Variants in AGMO observed in about 807,000 individuals in gnomAD.
AGMO encodes glyceryl-ether monooxygenase.
In AGMO, 75 loss-of-function variants were observed where a neutral mutation model predicts 60.2. The ratio of observed to expected loss-of-function variants is 1.25; its 90% confidence interval spans 1.03 to 1.51. The LOEUF (loss-of-function observed/expected upper bound fraction) is 1.51. AGMO is among the 40% of genes most tolerant of loss of function. The pLI, the probability that AGMO is intolerant of heterozygous loss-of-function variation, is 0.00. For missense variants in AGMO, 763 were observed against 525.5 expected (o/e 1.45, Z -4.42); for synonymous variants, 261 against 177.1 (o/e 1.47, Z -3.76).
At chr7:15,536,802 T>C (rs932875042) in intron 3 of AGMO, among the ~76,000 whole-genome samples, 2 of 151,970 alleles carry the variant, frequency 1.3e-5, no homozygotes, top group African/African-American at 4.8e-5. Context: ...TGTACCCTTT[T>C]AGTAATTCAC....
chr7:15,162,260 G>A, the AGMO span, among the ~76,000 whole-genome samples: 24 of 152,078 alleles, frequency 1.6e-4, no homozygotes, highest in African/African-American at 5.3e-4. Context: ...CCAGTCTCAG[G>A]TAGTATATTT....
intron 12 of AGMO, among the ~76,000 whole-genome samples, chr7:15,322,933 T>G (rs2128540436): frequency 7.0e-6 from 1 of 143,074 alleles, no homozygotes; most frequent in Middle Eastern, 3.9e-3. Context: ...TGTTTACATA[T>G]GTGTGTGTGT....
chr7:15,276,075 A>G (rs2128516422), intron 12 of AGMO, among the ~76,000 whole-genome samples: 1 of 152,236 alleles, frequency 6.6e-6, no homozygotes, highest in East Asian at 1.9e-4. Context: ...TAGTGTTGTT[A>G]GCTAGTTGTC....
chr7:15,201,189 A>G lies in AGMO; in HGVS notation c.*96T>C. 1.5e-6 allele frequency: 1 copy of G among 686,278 alleles called. No homozygotes were observed. The highest frequency in any genetic ancestry group is 2.3e-6 in the Non-Finnish European group (1 of 430,964). 42.5% of individuals were successfully genotyped at this position (686,278 alleles called of 1,614,324 possible). ...TTACTTTTCATTGAAGAAATAGTTCATATAAGCATTACATAAAATAATTAC... is the reference window on the plus strand; with the variant it reads ...TTACTTTTCATTGAAGAAATAGTTCGTATAAGCATTACATAAAATAATTAC... On this transcript the variant is annotated 3_prime_UTR_variant, in exon 13 of 13. Transcript: ENST00000342526.
At chr7:15,515,569 C>T (rs1783785861) in intron 3 of AGMO, among the ~76,000 whole-genome samples, 1 of 152,158 alleles carries the variant, frequency 6.6e-6, no homozygotes, top group South Asian at 2.1e-4. Flanking sequence ...ACATAAAAGA[C>T]AATTTTGCTG....
intron 2 of AGMO, among the ~76,000 whole-genome samples, chr7:15,547,496 C>G (rs1369721687): frequency 6.6e-6 from 1 of 152,106 alleles, no homozygotes; most frequent in Non-Finnish European, 1.5e-5. Flanking sequence ...AAGGCATTGC[C>G]TCACTCGGGA....
At chr7:15,351,770 C>G (rs1782251217) in intron 12 of AGMO, among the ~76,000 whole-genome samples, 1 of 151,914 alleles carries the variant, frequency 6.6e-6, no homozygotes, top group African/African-American at 2.4e-5. Context: ...TTAAAAATAA[C>G]AAAGTATACG....
chr7:15,468,217 T>A (rs1782343536), intron 3 of AGMO, among the ~76,000 whole-genome samples: 1 of 152,306 alleles, frequency 6.6e-6, no homozygotes, highest in South Asian at 2.1e-4. Flanking sequence ...GTTACATCCC[T>A]TGTAATATTC....
chr7:15,561,269 G>A (rs1329249489), intron 1 of AGMO, among the ~76,000 whole-genome samples: 2 of 152,156 alleles, frequency 1.3e-5, no homozygotes, highest in Non-Finnish European at 2.9e-5. Flanking sequence ...GGAAGTCAGA[G>A]CTGGACCTGG....
intron 12 of AGMO, among the ~76,000 whole-genome samples, chr7:15,248,974 A>G (rs1782850501): frequency 6.6e-6 from 1 of 152,220 alleles, no homozygotes; most frequent in African/African-American, 2.4e-5. Flanking sequence ...CGGTATGCTA[A>G]GTGGAAAACA....
chr7:15,381,490 C>T (rs1221389746), intron 10 of AGMO, among the ~76,000 whole-genome samples: 2 of 152,062 alleles, frequency 1.3e-5, no homozygotes, highest in Non-Finnish European at 2.9e-5. Flanking sequence ...CATCTCCCAC[C>T]AGTCAGACTG....
At chr7:15,333,699 A>G (rs953656489) in intron 12 of AGMO, among the ~76,000 whole-genome samples, 4 of 152,054 alleles carry the variant, frequency 2.6e-5, no homozygotes, top group Admixed American at 2.6e-4. Flanking sequence ...CAAAACCACC[A>G]ATATTTAAAG....
chr7:15,469,061 G>A (rs1782369136), intron 3 of AGMO, among the ~76,000 whole-genome samples: 1 of 152,056 alleles, frequency 6.6e-6, no homozygotes, highest in African/African-American at 2.4e-5. Flanking sequence ...GATTTTTAAT[G>A]TGGGAATGTA....
the AGMO span, among the ~76,000 whole-genome samples, chr7:15,190,213 ATATATATATATATATATT>A: frequency 1.5e-4 from 1 of 6,756 alleles, no homozygotes; most frequent in Non-Finnish European, 3.5e-4. Flanking sequence ...ATATATATAT[ATATATATATATATATATT>A]TATATATATA....
At chr7:15,383,654 T>C (rs1420671483) in intron 10 of AGMO, among the ~76,000 whole-genome samples, 2 of 152,096 alleles carry the variant, frequency 1.3e-5, no homozygotes, top group Non-Finnish European at 2.9e-5. Flanking sequence ...TTTCAGCATA[T>C]ATTATTTATT....
At chr7:15,518,831 G>A (rs1008870081) in intron 3 of AGMO, among the ~76,000 whole-genome samples, 1 of 151,962 alleles carries the variant, frequency 6.6e-6, no homozygotes, top group Non-Finnish European at 1.5e-5. Context: ...TGAATTTACA[G>A]AAGTAGGCTT....
At chr7:15,321,798 C>A (rs576808792) in intron 12 of AGMO, among the ~76,000 whole-genome samples, 5 of 152,002 alleles carry the variant, frequency 3.3e-5, no homozygotes, top group Admixed American at 2.6e-4. Context: ...AAAAATATGG[C>A]TAGATTGATT....
chr7:15,341,644 C>T (rs767271356), intron 12 of AGMO, among the ~76,000 whole-genome samples: 15 of 152,110 alleles, frequency 9.9e-5, no homozygotes, highest in Non-Finnish European at 5.9e-5. Flanking sequence ...AGCAGCACAC[C>T]ACTACCCAGT....
At chr7:15,141,737 C>T in the AGMO span, among the ~76,000 whole-genome samples, 1 of 152,134 alleles carries the variant, frequency 6.6e-6, no homozygotes, top group Non-Finnish European at 1.5e-5. Context: ...TAGGTACTTC[C>T]AAGTAAAACT....
Sources: allele counts gnomAD v4.1 joint callset (sites outside exome capture counted in the v4.1 genomes callset), GRCh38; gene constraint gnomAD v4.1.1; transcripts MANE v1.5; gene names NCBI Gene and HGNC (gene_info 2026-07-23, HGNC 2026-07-21).